The following ZC3HAV1 variants were observed in gnomAD, a reference collection of about 807,000 sequenced individuals.
ZC3HAV1 encodes zinc finger CCCH-type containing, antiviral 1.
In ZC3HAV1, 41 loss-of-function variants were observed where a neutral mutation model predicts 86.6. The ratio of observed to expected loss-of-function variants is 0.47; its 90% CI spans 0.37 to 0.61. The LOEUF (loss-of-function observed/expected upper bound fraction) is 0.61. ZC3HAV1 is among the 20% of genes least tolerant of loss of function. ZC3HAV1 has a pLI of 0.00. For synonymous variants in ZC3HAV1, 421 were observed against 432.1 expected (o/e 0.97, Z 0.32); for missense variants, 964 against 1,141.1 (o/e 0.84, Z 2.24).
intron 7 of ZC3HAV1, among the ~76,000 whole-genome samples, chr7:139,069,997 C>G (rs528800818): frequency 7.5e-4 from 114 of 152,290 alleles, no homozygotes; most frequent in African/African-American, 2.7e-3. Flanking sequence ...AGAAACCAGG[C>G]TGTTCTTGAT....
chr7:139,063,958 A>T (rs1253341048), intron 8 of ZC3HAV1, among the ~76,000 whole-genome samples: 1 of 152,178 alleles, frequency 6.6e-6, no homozygotes, highest in South Asian at 2.1e-4. Flanking sequence ...GCTGCTTAAC[A>T]AGCACCTTAC....
intron 9 of ZC3HAV1, among the ~76,000 whole-genome samples, chr7:139,058,898 C>T (rs1039835262): frequency 6.6e-6 from 1 of 152,096 alleles, no homozygotes; most frequent in Non-Finnish European, 1.5e-5. Context: ...TCAAGGTTTA[C>T]TATGCTTTCC....
At chr7:139,094,974 C>G (rs574853752) in intron 1 of ZC3HAV1, among the ~76,000 whole-genome samples, 1 of 151,350 alleles carries the variant, frequency 6.6e-6, no homozygotes, top group South Asian at 2.1e-4. Flanking sequence ...AGACAGTAAC[C>G]CGAGTCTTTT....
intron 1 of ZC3HAV1, among the ~76,000 whole-genome samples, chr7:139,097,428 A>ATATTTTTTTTTTTTTT: frequency 2.1e-5 from 1 of 48,158 alleles, no homozygotes; most frequent in African/African-American, 1.1e-4. Context: ...ATATATATAT[A>ATATTTTTTTTTTTTTT]TTTTTTTTTT....
chr7:139,099,561 T>C (rs1344128831), intron 1 of ZC3HAV1, among the ~76,000 whole-genome samples: 2 of 152,334 alleles, frequency 1.3e-5, no homozygotes, highest in East Asian at 3.9e-4. Flanking sequence ...TGGTTCCTGA[T>C]GGTTGTGGGG....
At position 139,108,401 on chromosome 7, in the gene ZC3HAV1, C is replaced by T. The variant is rs1563144897; in HGVS notation, c.308+623G>A. Among the ~76,000 whole-genome samples the T allele has an allele frequency of 6.6e-6, 1 of 152,094 alleles. No homozygotes were observed. The highest frequency in any genetic ancestry group is 1.5e-5 in the Non-Finnish European group (1 of 68,022). ...TGCGCGCGCCACCGTAGAGAGACCACCCGGAGGGAAGGCCCGCGGCTGCTA... is the reference window on the plus strand; with the variant it reads ...TGCGCGCGCCACCGTAGAGAGACCATCCGGAGGGAAGGCCCGCGGCTGCTA... On this transcript the variant is annotated intron_variant, in intron 1 of 12. Coordinates refer to ENST00000242351, the MANE Select transcript of ZC3HAV1 (RefSeq NM_020119.4). The surrounding 1 kb of genome is among the most constrained non-coding windows in gnomAD (Gnocchi z 4.2).
intron 10 of ZC3HAV1, among the ~76,000 whole-genome samples, chr7:139,054,695 C>T (rs1816230660): frequency 6.6e-6 from 1 of 152,162 alleles, no homozygotes; most frequent in Non-Finnish European, 1.5e-5. Flanking sequence ...AATGAGGTGC[C>T]TTGTAGCAGT....
At chr7:139,052,018 C>G (rs1452271047) in intron 12 of ZC3HAV1, among the ~76,000 whole-genome samples, 1 of 151,660 alleles carries the variant, frequency 6.6e-6, no homozygotes, top group African/African-American at 2.4e-5. Context: ...AGTTAATTCC[C>G]TCAAACATTA....
intron 1 of ZC3HAV1, 31 bp from the exon 2 acceptor site, chr7:139,089,790 T>A: frequency 6.3e-7 from 1 of 1,581,406 alleles, no homozygotes; most frequent in South Asian, 1.2e-5. Flanking sequence ...GGTCAGTATT[T>A]CTACTACACA....
Position 139,109,089 on chromosome 7 carries a change from G to A in ZC3HAV1, c.243C>T (p.Pro81=), listed in dbSNP as rs1237704969. 6.3e-7 allele frequency: 1 copy of A among 1,593,492 alleles called. No individual in the cohort carries two copies. The highest frequency in any genetic ancestry group is 2.3e-5 in the East Asian group (1 of 43,992). ...GTTTGCAGAGATGCAGGTTATCGCA[G>A]GGTCTCTGGCAGTACTTGCGACGGC... ...RVCRRKYCQR[P]CDNLHLCKLN... The change falls in exon 1 of 13, where the codon CCC becomes CCT. Residue 81 remains proline (P), a synonymous_variant. Coordinates refer to ENST00000242351, the MANE Select transcript of ZC3HAV1 (RefSeq NM_020119.4).
chr7:139,054,083 G>C lies in ZC3HAV1; in HGVS notation c.2200C>G (p.His734Asp). ...SSKKYKLSEIHHLHPEYVRVS... is the reference protein window; with the variant it reads ...SSKKYKLSEIDHLHPEYVRVS... ...CTGACATATTCTGGATGTAGGTGAT[G>C]GATCTCTGACAACTAATAAAGTTTA... The change falls in exon 11 of 13, where the codon CAT (histidine) becomes GAT (aspartate). Residue 734 changes from histidine to aspartate, a missense_variant. Physicochemically the swap from His to Asp is moderately conservative, Grantham distance 81. Transcript: ENST00000242351. 8.2e-6 allele frequency: 13 copies of C among 1,577,928 alleles called. No homozygotes were observed. Among genetic ancestry groups the C allele is most frequent in the Non-Finnish European group, 1.1e-5 (13 of 1,169,712 alleles).
chr7:139,097,415 TATATATA>T (rs1563140595), intron 1 of ZC3HAV1, among the ~76,000 whole-genome samples: 21 of 80,018 alleles, frequency 2.6e-4, no homozygotes, highest in Non-Finnish European at 4.6e-4. Flanking sequence ...TATATATATA[TATATATA>T]TATATATTTT....
At chr7:139,072,478 C>T (rs1816807927) in intron 7 of ZC3HAV1, among the ~76,000 whole-genome samples, 1 of 152,202 alleles carries the variant, frequency 6.6e-6, no homozygotes, top group Admixed American at 6.5e-5. Context: ...TGAGCCACCG[C>T]ACCCAGCCCA....
chr7:139,090,163 C>A (rs954080109), intron 1 of ZC3HAV1, among the ~76,000 whole-genome samples: 1 of 152,136 alleles, frequency 6.6e-6, no homozygotes, highest in Non-Finnish European at 1.5e-5. Context: ...TCAGGTGATC[C>A]ATCCGCCTCA....
chr7:139,065,979 A>C (rs1780363797), intron 7 of ZC3HAV1, among the ~76,000 whole-genome samples: 1 of 152,162 alleles, frequency 6.6e-6, no homozygotes, highest in Non-Finnish European at 1.5e-5. Context: ...AAGCATATAG[A>C]AAGCATGCAA....
At chr7:139,057,546 T>TATCTCTA (rs1246642763) in intron 9 of ZC3HAV1, among the ~76,000 whole-genome samples, 222 of 22,002 alleles carry the variant, frequency 0.01, 1 homozygote, top group East Asian at 0.015. Flanking sequence ...TTTTTTTTTT[T>TATCTCTA]TTTTTTTTTT....
intron 1 of ZC3HAV1, among the ~76,000 whole-genome samples, chr7:139,097,401 CATATATATAT>C (rs1183885767): frequency 9.4e-5 from 6 of 63,854 alleles, no homozygotes; most frequent in Admixed American, 4.4e-4. Flanking sequence ...ATTGGAACTC[CATATATATAT>C]ATATATATAT....
intron 7 of ZC3HAV1, among the ~76,000 whole-genome samples, chr7:139,070,650 C>T (rs1816746323): frequency 8.4e-6 from 1 of 119,582 alleles, no homozygotes; most frequent in African/African-American, 3.5e-5. Flanking sequence ...GGCGACAGAG[C>T]GAGACTCCGT....
rs1261854266 is a variant in ZC3HAV1, at chr7:139,080,074, A to G, written c.867T>C (p.Pro289=). 1.9e-6 allele frequency: 3 copies of G among 1,614,176 alleles called. No individual in the cohort carries two copies. Among genetic ancestry groups the G allele is most frequent in the Non-Finnish European group, 2.5e-6 (3 of 1,180,030 alleles). ...TGAACTTGCGGGTGAGATCGTCCAC[A>G]GGCGCGTCCTCCAGGGAAGCCCTGT... ...ISHRASLEDA[P]VDDLTRKFTY... Residue 289 remains proline (P), a synonymous_variant, in exon 4 of 13, where the codon CCT becomes CCC. Transcript: ENST00000242351.
Sources: gnomAD v4.1 joint callset for allele counts (sites outside exome capture counted in the v4.1 genomes callset) on GRCh38, gnomAD v4.1.1 for gene constraint, Gnocchi (gnomAD v3.1) non-coding constraint, MANE v1.5 for transcripts, NCBI Gene and HGNC (gene_info 2026-07-23, HGNC 2026-07-21) for gene names.